Variants in ARID4B observed in about 807,000 individuals in gnomAD.
ARID4B encodes AT-rich interactive domain-containing protein 4B.
ARID4B carries 26 observed loss-of-function variants against 147.5 expected under a neutral mutation model. The ratio of observed to expected loss-of-function variants is 0.18; its 90% CI spans 0.13 to 0.24. ARID4B has a LOEUF of 0.24. Ranked by LOEUF, ARID4B falls within the 10% of genes least tolerant of loss-of-function variation. The probability of loss-of-function intolerance (pLI) is 1.00; values close to 1 mark genes in which losing one functional copy is unlikely to be tolerated. For missense variants in ARID4B, 1,179 were observed against 1,511.5 expected (o/e 0.78, Z 3.65); for synonymous variants, 512 against 507.9 (o/e 1.01, Z -0.11).
Position 235,172,659 on chromosome 1 carries a change from A to G in ARID4B, c.3770T>C (p.Ile1257Thr). ...YLSLKSEVAS[I>T]DRRRKRLKKK... ...CTTTAAACGCTTTCTCCTCCGATCAATGGAAGCTACTTCAGATTTTAATGA... is the reference window on the plus strand; with the variant it reads ...CTTTAAACGCTTTCTCCTCCGATCAGTGGAAGCTACTTCAGATTTTAATGA... The change falls in exon 23 of 24, where the codon ATT becomes ACT. Residue 1257 changes from isoleucine (I) to threonine (T), a missense_variant. Transcript: ENST00000264183. The G allele has an allele frequency of 6.2e-7, 1 of 1,602,616 alleles. No homozygotes were observed. Among genetic ancestry groups the G allele is most frequent in the Non-Finnish European group, 8.5e-7 (1 of 1,175,840 alleles).
chr1:235,252,715 T>C lies in ARID4B; in HGVS notation c.354+15A>G, dbSNP rs1275133090. On this transcript the variant is annotated intron_variant, in intron 6 of 23. Transcript: ENST00000264183. ...AAAATATTAAGACATGTTCATTTGT[T>C]AAATGATGACTTACTTCACTTTCAG... 6 of 1,605,218 alleles carry C rather than the reference T, an allele frequency of 3.7e-6. No homozygotes were observed. Among genetic ancestry groups the C allele is most frequent in the African/African-American group, 1.3e-5 (1 of 74,426 alleles).
intron 2 of ARID4B, among the ~76,000 whole-genome samples, chr1:235,319,059 G>C (rs781582198): frequency 1.3e-5 from 2 of 152,034 alleles, no homozygotes; most frequent in East Asian, 3.9e-4. Flanking sequence ...GAAGTTGAGG[G>C]GGAAAGATCA....
chr1:235,208,631 T>C (rs1666486880), intron 17 of ARID4B, among the ~76,000 whole-genome samples: 1 of 152,018 alleles, frequency 6.6e-6, no homozygotes, highest in African/African-American at 2.4e-5. Context: ...CCCTACCTAG[T>C]AGCTGGGATT....
chr1:235,224,556 T>C (rs1667702828), intron 12 of ARID4B, 147 bp downstream of exon 12: 3 of 640,478 alleles, frequency 4.7e-6, no homozygotes, highest in Non-Finnish European at 8.4e-6. Flanking sequence ...ACAGGCGCTA[T>C]GCTAGGTGCT....
intron 17 of ARID4B, among the ~76,000 whole-genome samples, chr1:235,208,232 C>T (rs956076958): frequency 1.3e-5 from 2 of 152,172 alleles, no homozygotes; most frequent in Non-Finnish European, 2.9e-5. Flanking sequence ...ACACACTCAA[C>T]TAGTTTACGG....
intron 17 of ARID4B, among the ~76,000 whole-genome samples, chr1:235,209,811 G>A (rs922216358): frequency 4.6e-5 from 7 of 152,164 alleles, no homozygotes; most frequent in East Asian, 3.9e-4. Flanking sequence ...TGATCTGCCC[G>A]CCTCGGCCTC....
intron 2 of ARID4B, among the ~76,000 whole-genome samples, chr1:235,303,921 A>T (rs1348128465): frequency 1.2e-5 from 1 of 83,922 alleles, no homozygotes; most frequent in Non-Finnish European, 2.3e-5. Flanking sequence ...TAACTCTACA[A>T]TATATTACAG....
intron 12 of ARID4B, 39 bp from the exon 13 acceptor site, chr1:235,223,299 C>T (rs1326415919): frequency 2.8e-6 from 3 of 1,084,868 alleles, no homozygotes; most frequent in Admixed American, 6.5e-5. Context: ...ATCCACACTA[C>T]ATTTTTAATT....
At chr1:235,193,183 G>A (rs1463970601) in intron 19 of ARID4B, among the ~76,000 whole-genome samples, 1 of 152,072 alleles carries the variant, frequency 6.6e-6, no homozygotes, top group African/African-American at 2.4e-5. Context: ...AATTGCTTGA[G>A]CCTAGGAGCT....
intron 2 of ARID4B, among the ~76,000 whole-genome samples, chr1:235,261,992 G>T (rs1186285517): frequency 6.6e-6 from 1 of 152,136 alleles, no homozygotes; most frequent in Non-Finnish European, 1.5e-5. Context: ...TAAGCTAAAA[G>T]ATCTGAGAAA....
intron 2 of ARID4B, among the ~76,000 whole-genome samples, chr1:235,279,413 T>G (rs541833628): frequency 7.9e-5 from 12 of 152,240 alleles, no homozygotes; most frequent in African/African-American, 2.6e-4. Flanking sequence ...GATATCAGGA[T>G]AGTGATAATG....
chr1:235,245,998 G>C (rs1266029322), intron 7 of ARID4B, among the ~76,000 whole-genome samples: 1 of 152,194 alleles, frequency 6.6e-6, no homozygotes, highest in African/African-American at 2.4e-5. Flanking sequence ...TGGTTTCAAG[G>C]AAAGTGTGGG....
At chr1:235,313,409 T>C (rs1208533433) in intron 2 of ARID4B, among the ~76,000 whole-genome samples, 1 of 152,082 alleles carries the variant, frequency 6.6e-6, no homozygotes, top group African/African-American at 2.4e-5. Context: ...TAGTGGCTCC[T>C]CCGTGTTCAG....
rs768600040 is a variant in ARID4B at position 235,221,886 on chromosome 1, A to ATTTTTTTTTTT, written c.1066-235_1066-225dup. On this transcript the variant is annotated intron_variant, in intron 13 of 23. Transcript: ENST00000264183. ...TGTTGAAATATTAAGTCATTTGACT[A>ATTTTTTTTTTT]TTTTTTTTTTTTTTTTTTTTTTTTT... is the stretch of plus-strand genomic sequence containing the variant. Among the ~76,000 whole-genome samples, 47 of 53,654 alleles carry ATTTTTTTTTTT rather than the reference A, an allele frequency of 8.8e-4. 3 individuals are homozygous for ATTTTTTTTTTT. The highest frequency in any genetic ancestry group is 2.9e-3 in the East Asian group (4 of 1,378). The allele number at this position is 53,654 out of a possible 152,430, so 35.2% of individuals were successfully genotyped here.
At chr1:235,264,753 T>G (rs1211454567) in intron 2 of ARID4B, among the ~76,000 whole-genome samples, 1 of 152,200 alleles carries the variant, frequency 6.6e-6, no homozygotes, top group East Asian at 1.9e-4. Context: ...CTTCTTAATA[T>G]TCGAGGGGCA....
chr1:235,242,545 T>C (rs1481971060), intron 7 of ARID4B, among the ~76,000 whole-genome samples: 1 of 152,198 alleles, frequency 6.6e-6, no homozygotes, highest in Non-Finnish European at 1.5e-5. Flanking sequence ...CTCATTCAGC[T>C]AGGGGTTTAT....
At chr1:235,245,241 C>T (rs1458284230) in intron 7 of ARID4B, among the ~76,000 whole-genome samples, 1 of 152,112 alleles carries the variant, frequency 6.6e-6, no homozygotes, top group African/African-American at 2.4e-5. Context: ...TCAACTTATT[C>T]AGCAACAAAT....
chr1:235,172,645 T>G lies in ARID4B; in HGVS notation c.3784A>C (p.Lys1262Gln). The G allele has an allele frequency of 6.3e-7, 1 of 1,582,874 alleles. No homozygotes were observed. Among genetic ancestry groups the G allele is most frequent in the Non-Finnish European group, 8.6e-7 (1 of 1,169,192 alleles). The change falls in exon 23 of 24, where the codon AAG becomes CAG. Residue 1262 changes from lysine to glutamine, a missense_variant. Physicochemically the swap from Lys to Gln is moderately conservative, Grantham distance 53. Transcript: ENST00000264183. ...SEVASIDRRR[K>Q]RLKKKERESA... is the part of the protein sequence containing the mutation. ...TCTCTCTCTTTCTTCTTTAAACGCT[T>G]TCTCCTCCGATCAATGGAAGCTACT... is the stretch of plus-strand genomic sequence containing the variant.
intron 19 of ARID4B, among the ~76,000 whole-genome samples, chr1:235,186,045 C>T (rs937341089): frequency 6.6e-6 from 1 of 151,448 alleles, no homozygotes; most frequent in Non-Finnish European, 1.5e-5. Context: ...TCTCAGTTCA[C>T]TGCAACCTCC....
Sources: gnomAD v4.1 joint callset for allele counts (sites outside exome capture counted in the v4.1 genomes callset) on GRCh38, gnomAD v4.1.1 for gene constraint, MANE v1.5 for transcripts, NCBI Gene and HGNC (gene_info 2026-07-23, HGNC 2026-07-21) for gene names.